EPHA5: variants seen among roughly 807,000 people sequenced by gnomAD.
EPHA5 encodes EPH receptor A5.
EPHA5 carries 60 observed loss-of-function variants against 105.0 expected under a neutral mutation model. The observed-to-expected ratio is 0.57, with a 90% confidence interval of 0.46 to 0.71. The LOEUF is 0.71. Ranked by LOEUF, EPHA5 falls within the 30% of genes least tolerant of loss-of-function variation. The probability of loss-of-function intolerance (pLI) is 0.00; values close to 1 mark genes in which losing one functional copy is unlikely to be tolerated. For synonymous variants in EPHA5, 513 were observed against 449.1 expected (o/e 1.14, Z -1.80); for missense variants, 1,218 against 1,274.7 (o/e 0.96, Z 0.68).
chr4:65,595,580 G>A (rs1027779415), intron 3 of EPHA5, among the ~76,000 whole-genome samples: 13 of 102,276 alleles, frequency 1.3e-4, no homozygotes, highest in African/African-American at 3.3e-4. Flanking sequence ...TATCTCACAA[G>A]ATTTTTTTTT....
chr4:65,551,254 A>ATATG (rs1352761167), intron 3 of EPHA5, among the ~76,000 whole-genome samples: 1 of 141,596 alleles, frequency 7.1e-6, no homozygotes, highest in Non-Finnish European at 1.5e-5. Flanking sequence ...ATATTTATAT[A>ATATG]TGTGTGTGTG....
rs372430934 is a variant in EPHA5, at chr4:65,402,324, G to T, written c.1793+2050C>A. 3.3e-5 allele frequency among the ~76,000 whole-genome samples: 5 copies of T among 152,234 alleles called. No homozygotes were observed. In the East Asian group the frequency reaches 7.7e-4, roughly 24 times the overall value. On this transcript the variant is annotated intron_variant, in intron 8 of 16. Transcript: ENST00000613740. ...GTGAGAACCGATACAAAGTGTATGG[G>T]TGACTTTGTAGGAATGTGCGCACGT...
At position 65,482,968 on chromosome 4, in the gene EPHA5, G is replaced by A. The variant is rs895585686; in HGVS notation, c.1402+7409C>T. ...GTTGGTGTGCTGCACCCATTGACTCGTCATTTACATTAGGTATATCTCCTA... is the reference window on the plus strand; with the variant it reads ...GTTGGTGTGCTGCACCCATTGACTCATCATTTACATTAGGTATATCTCCTA... On this transcript the variant is annotated intron_variant, in intron 5 of 16. Transcript: ENST00000613740. Among the ~76,000 whole-genome samples, 5 of 151,490 alleles carry A rather than the reference G, an allele frequency of 3.3e-5. No homozygotes were observed. The East Asian group carries it at 5.9e-4, about 18-fold the overall frequency.
intron 5 of EPHA5, among the ~76,000 whole-genome samples, chr4:65,468,698 T>C (rs1729001157): frequency 7.1e-6 from 1 of 140,616 alleles, no homozygotes; most frequent in Non-Finnish European, 1.5e-5. Flanking sequence ...ATAAAATATA[T>C]ATATATATAA....
At chr4:65,376,497 C>G (rs991450570) in intron 8 of EPHA5, among the ~76,000 whole-genome samples, 1 of 152,002 alleles carries the variant, frequency 6.6e-6, no homozygotes, top group African/African-American at 2.4e-5. Context: ...ATAATTCAAG[C>G]TTAATGAAAT....
intron 1 of EPHA5, among the ~76,000 whole-genome samples, chr4:65,658,274 G>A (rs1382654560): frequency 6.6e-6 from 1 of 152,058 alleles, no homozygotes; most frequent in Non-Finnish European, 1.5e-5. Context: ...GGAGCTTGGA[G>A]TGCAGGGAAG....
intron 5 of EPHA5, among the ~76,000 whole-genome samples, chr4:65,482,471 C>T (rs899016811): frequency 2.6e-5 from 4 of 152,080 alleles, no homozygotes; most frequent in Non-Finnish European, 4.4e-5. Flanking sequence ...AAGCTACATT[C>T]AAGTGATTTC....
intron 5 of EPHA5, among the ~76,000 whole-genome samples, chr4:65,422,394 G>T (rs75708702): frequency 0.25 from 37,581 of 151,920 alleles, 5,903 homozygotes; most frequent in Middle Eastern, 0.37. Context: ...GCATCAAGGA[G>T]CATGCTCAAT....
At chr4:65,665,630 A>G (rs1278151194) in intron 1 of EPHA5, among the ~76,000 whole-genome samples, 2 of 152,120 alleles carry the variant, frequency 1.3e-5, no homozygotes, top group Non-Finnish European at 2.9e-5. Context: ...TGACAATATT[A>G]CAAGAAGAAT....
At chr4:65,374,318 T>A (rs908940749) in intron 8 of EPHA5, among the ~76,000 whole-genome samples, 1 of 151,926 alleles carries the variant, frequency 6.6e-6, no homozygotes, top group Admixed American at 6.6e-5. Context: ...ACATTTGGAA[T>A]ATTAACATTA....
At chr4:65,460,574 A>G (rs370373581) in intron 5 of EPHA5, among the ~76,000 whole-genome samples, 1 of 151,508 alleles carries the variant, frequency 6.6e-6, no homozygotes, top group Admixed American at 6.6e-5. Context: ...AAAAGTCAAA[A>G]GTATATTTAA....
intron 5 of EPHA5, among the ~76,000 whole-genome samples, chr4:65,433,633 G>A (rs944456685): frequency 1.3e-5 from 2 of 152,122 alleles, no homozygotes; most frequent in Non-Finnish European, 2.9e-5. Context: ...GGTTCTAGAG[G>A]TCAGAAGTCT....
intron 5 of EPHA5, among the ~76,000 whole-genome samples, chr4:65,449,974 G>A (rs980742471): frequency 2.0e-5 from 3 of 152,074 alleles, no homozygotes; most frequent in Non-Finnish European, 4.4e-5. Flanking sequence ...ATAAATTTCT[G>A]TTGGCTAAAC....
intron 5 of EPHA5, among the ~76,000 whole-genome samples, chr4:65,449,452 A>G (rs1278173139): frequency 1.3e-5 from 2 of 152,334 alleles, no homozygotes; most frequent in South Asian, 4.1e-4. Flanking sequence ...TATCTGCCAC[A>G]ACAAAACCCA....
chr4:65,479,486 A>G (rs916258567), intron 5 of EPHA5, among the ~76,000 whole-genome samples: 2 of 152,192 alleles, frequency 1.3e-5, no homozygotes, highest in Non-Finnish European at 2.9e-5. Context: ...ATAGAACTAT[A>G]TTAGGTACCT....
chr4:65,347,848 A>G (rs974533071), intron 14 of EPHA5, among the ~76,000 whole-genome samples: 2 of 152,226 alleles, frequency 1.3e-5, no homozygotes, highest in Admixed American at 1.3e-4. Context: ...GAGTTTTTAT[A>G]TAACTGTAAC....
At chr4:65,622,887 T>G (rs1745827708) in intron 2 of EPHA5, among the ~76,000 whole-genome samples, 1 of 152,104 alleles carries the variant, frequency 6.6e-6, no homozygotes, top group South Asian at 2.1e-4. Flanking sequence ...TTAACTTTAA[T>G]TTTTAATAAG....
intron 3 of EPHA5, among the ~76,000 whole-genome samples, chr4:65,566,501 G>A (rs527779051): frequency 4.0e-5 from 6 of 151,624 alleles, no homozygotes; most frequent in South Asian, 2.1e-4. Flanking sequence ...TCAATTTCAC[G>A]CCCTTTCTTC....
At position 65,443,101 on chromosome 4, in the gene EPHA5, C is replaced by T. The variant is rs538922628; in HGVS notation, c.1403-22536G>A. ...AGACTTGCCTTTTAGAAGAGCAAAT[C>T]TAAAATGTCAGGTATAGTAGATGAG... On this transcript the variant is annotated intron_variant, in intron 5 of 16. Transcript: ENST00000613740. Among the ~76,000 whole-genome samples, 90 of 152,200 alleles carry T rather than the reference C, an allele frequency of 5.9e-4. 1 individual carries two copies. The highest frequency in any genetic ancestry group is 4.7e-4 in the Non-Finnish European group (32 of 67,990).
Sources: gnomAD v4.1 joint callset for allele counts (sites outside exome capture counted in the v4.1 genomes callset) on GRCh38, gnomAD v4.1.1 for gene constraint, MANE v1.5 for transcripts, NCBI Gene and HGNC (gene_info 2026-07-23, HGNC 2026-07-21) for gene names.